The following MMP26 variants were observed in gnomAD, a reference collection of about 807,000 sequenced individuals.
MMP26 encodes the protein matrix metallopeptidase 26.
Under a neutral mutation model 31.0 loss-of-function variants are expected in MMP26, and 33 were observed. The observed-to-expected ratio is 1.06, with a 90% CI of 0.81 to 1.42. The LOEUF (loss-of-function observed/expected upper bound fraction) is 1.42. MMP26 is among the 40% of genes most tolerant of loss of function. The probability of loss-of-function intolerance (pLI) is 0.00; values close to 1 mark genes in which losing one functional copy is unlikely to be tolerated. For synonymous variants in MMP26, 122 were observed against 114.9 expected (o/e 1.06, Z -0.40); for missense variants, 347 against 316.1 (o/e 1.10, Z -0.74).
intron 2 of MMP26, chr11:4,803,705 T>C (rs1849217233): frequency 1.2e-6 from 2 of 1,613,428 alleles, no homozygotes; most frequent in South Asian, 2.2e-5. Flanking sequence ...AGCACAGCTC[T>C]CAAAATCATC....
In MMP26 at chr11:4,966,407, C is replaced by T. The variant is rs867908573; in HGVS notation, c.-144-21661C>T. Among the ~76,000 whole-genome samples the T allele has an allele frequency of 3.3e-5, 5 of 152,064 alleles. No homozygotes were observed. In the South Asian group the frequency reaches 6.2e-4, roughly 19 times the overall value. ...ATCCACCAGGGTGATCAGGCATCAT[C>T]GGGGGAATGGTAGAGGATAAGGTGC... On this transcript the variant is annotated intron_variant, in intron 2 of 7. Coordinates refer to ENST00000380390, the MANE Select transcript of MMP26 (RefSeq NM_021801.5).
rs114766766 is a variant in MMP26 at position 4,859,984 on chromosome 11, G to A, written c.-145+92643G>A. The A allele has an allele frequency of 9.7e-4, 455 of 471,150 alleles. 2 individuals carry two copies. Among genetic ancestry groups the A allele is most frequent in the African/African-American group, 8.2e-3 (413 of 50,200 alleles). 29.2% of individuals were successfully genotyped at this position (471,150 alleles called of 1,614,324 possible). A position where few individuals can be genotyped will look rare whatever the true frequency, so the allele number is the denominator to read the frequency against. On this transcript the variant is annotated intron_variant, in intron 2 of 7. Coordinates refer to ENST00000380390, the MANE Select transcript of MMP26 (RefSeq NM_021801.5). ...GAGGCCGTAGAGGCTGTTGATGCGG[G>A]TGCTGGCACAAGCTAGCCGCATCAT...
intron 2 of MMP26, among the ~76,000 whole-genome samples, chr11:4,839,343 C>T (rs1849763712): frequency 6.6e-6 from 1 of 151,818 alleles, no homozygotes; most frequent in Non-Finnish European, 1.5e-5. Flanking sequence ...TGCAACCTAC[C>T]GAGACACACT....
At chr11:4,784,913 A>T (rs1281567802) in intron 2 of MMP26, among the ~76,000 whole-genome samples, 8 of 152,214 alleles carry the variant, frequency 5.3e-5, no homozygotes, top group African/African-American at 1.9e-4. Context: ...GCTATTGTAA[A>T]TGTGTTGCAT....
At chr11:4,876,675 C>T (rs1428526120) in intron 2 of MMP26, 4 of 152,214 alleles carry the variant, frequency 2.6e-5, no homozygotes, top group Non-Finnish European at 4.4e-5. Context: ...CTTTATAGCA[C>T]CACGATCTTG....
At chr11:4,777,217 G>T (rs529211650) in intron 2 of MMP26, among the ~76,000 whole-genome samples, 12 of 152,098 alleles carry the variant, frequency 7.9e-5, no homozygotes, top group African/African-American at 2.4e-4. Context: ...CATGAGATTT[G>T]GTCCCCTCTA....
At chr11:4,840,377 A>T (rs1426499057) in intron 2 of MMP26, among the ~76,000 whole-genome samples, 1 of 152,198 alleles carries the variant, frequency 6.6e-6, no homozygotes, top group Admixed American at 6.5e-5. Context: ...GGTGAGATCC[A>T]GTGGTGTGCT....
intron 2 of MMP26, among the ~76,000 whole-genome samples, chr11:4,959,596 T>C (rs1846493340): frequency 6.6e-6 from 1 of 152,196 alleles, no homozygotes; most frequent in Admixed American, 6.5e-5. Flanking sequence ...GAAAGCATCT[T>C]GCTTCCATAC....
intron 2 of MMP26, chr11:4,803,337 T>C: frequency 1.1e-6 from 1 of 875,472 alleles, no homozygotes. Context: ...TTTACAGAGC[T>C]GACTTAGTGA....
At chr11:4,756,973 A>G (rs1386719854) in intron 1 of MMP26, among the ~76,000 whole-genome samples, 1 of 152,186 alleles carries the variant, frequency 6.6e-6, no homozygotes, top group South Asian at 2.1e-4. Context: ...AATTTAATGT[A>G]ATATCAACAA....
At chr11:4,893,020 T>G (rs746955145) in intron 2 of MMP26, among the ~76,000 whole-genome samples, 1 of 152,142 alleles carries the variant, frequency 6.6e-6, no homozygotes, top group South Asian at 2.1e-4. Context: ...AAATTCTGCT[T>G]GATTCCTGTC....
intron 2 of MMP26, among the ~76,000 whole-genome samples, chr11:4,960,800 A>G (rs1251737652): frequency 3.3e-5 from 5 of 152,196 alleles, no homozygotes; most frequent in Non-Finnish European, 1.5e-5. Context: ...GCATAGCAGA[A>G]CATTTCATAA....
At position 4,789,530 on chromosome 11, in the gene MMP26, C is replaced by CTTTT. The variant is rs71050429; in HGVS notation, c.-145+22215_-145+22218dup. 6.9e-3 allele frequency among the ~76,000 whole-genome samples: 452 copies of CTTTT among 65,946 alleles called. 98 individuals are homozygous for CTTTT. The highest frequency in any genetic ancestry group is 0.029 in the South Asian group (30 of 1,046). 43.3% of individuals were successfully genotyped at this position (65,946 alleles called of 152,430 possible). A position where few individuals can be genotyped will look rare whatever the true frequency, so the allele number is the denominator to read the frequency against. On this transcript the variant is annotated intron_variant, in intron 2 of 7. Transcript: ENST00000380390. The stretch of plus-strand genomic sequence containing the variant: ...TCCTGAAGGTAAAGATATCCCCCCA[C>CTTTT]TTTTTTTTTTTTTTTTTTTTTTTTT...
chr11:4,809,976 C>T (rs1849328009), intron 2 of MMP26, among the ~76,000 whole-genome samples: 1 of 152,170 alleles, frequency 6.6e-6, no homozygotes, highest in Non-Finnish European at 1.5e-5. Flanking sequence ...TTGGCAGAGA[C>T]CTCAGATCAA....
intron 2 of MMP26, among the ~76,000 whole-genome samples, chr11:4,942,046 C>T (rs1039795064): frequency 3.8e-5 from 5 of 129,998 alleles, no homozygotes; most frequent in Non-Finnish European, 6.3e-5. Flanking sequence ...GATCGTGCCA[C>T]TGTGCTCTGC....
chr11:4,943,797 C>T (rs1846252323), intron 2 of MMP26: 1 of 420,656 alleles, frequency 2.4e-6, no homozygotes, highest in Non-Finnish European at 4.7e-6. Flanking sequence ...CATAAATCTT[C>T]ACCTCCCCCA....
chr11:4,915,024 T>C, intron 2 of MMP26: 4 of 1,613,960 alleles, frequency 2.5e-6, no homozygotes, highest in Non-Finnish European at 3.4e-6. Flanking sequence ...AGTGAGTCTA[T>C]ACCCACTGTA....
chr11:4,943,077 G>A (rs1284603385), intron 2 of MMP26: 1 of 158,612 alleles, frequency 6.3e-6, no homozygotes, highest in South Asian at 1.9e-4. Flanking sequence ...TCTCTGCTTG[G>A]ACTAAATGAT....
chr11:4,909,425 G>C (rs1393311645), intron 2 of MMP26: 1 of 152,114 alleles, frequency 6.6e-6, no homozygotes. Context: ...TGATGGGTTT[G>C]AATTTTGTCT....
Sources: gnomAD v4.1 joint callset for allele counts (sites outside exome capture counted in the v4.1 genomes callset) on GRCh38, gnomAD v4.1.1 for gene constraint, MANE v1.5 for transcripts, NCBI Gene and HGNC (gene_info 2026-07-23, HGNC 2026-07-21) for gene names.